Variants in DGKI observed in about 807,000 individuals in gnomAD.
DGKI encodes the protein diacylglycerol kinase iota.
In DGKI, 55 loss-of-function variants were observed where a neutral mutation model predicts 147.5. The observed-to-expected ratio is 0.37, with a 90% CI of 0.30 to 0.47. The LOEUF is 0.47. Among genes scored for constraint, DGKI ranks in the 20% least tolerant of loss-of-function variants. The probability of loss-of-function intolerance (pLI) is 1.00; values close to 1 mark genes in which losing one functional copy is unlikely to be tolerated. For synonymous variants in DGKI, 469 were observed against 477.1 expected, an observed-to-expected ratio of 0.98 and a Z score of 0.22; for missense variants, 1,007 against 1,323.8, an observed-to-expected ratio of 0.76 and a Z score of 3.71.
intron 27 of DGKI, among the ~76,000 whole-genome samples, chr7:137,453,883 T>C (rs1814076179): frequency 6.6e-6 from 1 of 152,064 alleles, no homozygotes; most frequent in African/African-American, 2.4e-5. Flanking sequence ...CCCAAATATA[T>C]GCCTTGATGA....
At chr7:137,455,211 C>G (rs1036824157) in intron 27 of DGKI, among the ~76,000 whole-genome samples, 1 of 152,044 alleles carries the variant, frequency 6.6e-6, no homozygotes, top group African/African-American at 2.4e-5. Context: ...CTCCTCCCAC[C>G]CCACCCTTCT....
intron 30 of DGKI, among the ~76,000 whole-genome samples, chr7:137,400,252 C>T (rs1811703467): frequency 6.6e-6 from 1 of 152,212 alleles, no homozygotes; most frequent in Non-Finnish European, 1.5e-5. Context: ...GTGCCTGTCG[C>T]CTTCAGTGAA....
intron 30 of DGKI, among the ~76,000 whole-genome samples, chr7:137,397,720 A>C (rs1731946): frequency 6.6e-6 from 1 of 152,212 alleles, no homozygotes; most frequent in Admixed American, 6.5e-5. Flanking sequence ...AGTGGCTAAC[A>C]AGGGAGAAAG....
intron 19 of DGKI, among the ~76,000 whole-genome samples, chr7:137,568,350 G>A (rs1411957621): frequency 6.6e-6 from 1 of 152,158 alleles, no homozygotes; most frequent in Admixed American, 6.5e-5. Context: ...GTCACGTCAC[G>A]CATTGCCAAC....
chr7:137,783,458 C>A (rs1253574160), intron 1 of DGKI, among the ~76,000 whole-genome samples: 2 of 152,170 alleles, frequency 1.3e-5, no homozygotes, highest in Admixed American at 6.5e-5. Context: ...ATGAACAAAG[C>A]CTCCAAGAAG....
intron 1 of DGKI, among the ~76,000 whole-genome samples, chr7:137,801,823 T>C (rs1797221037): frequency 2.0e-5 from 3 of 152,254 alleles, no homozygotes; most frequent in South Asian, 4.1e-4. Flanking sequence ...TCCAAAAGAA[T>C]TGCAGCCCTC....
At chr7:137,795,834 G>T (rs1198534664) in intron 1 of DGKI, among the ~76,000 whole-genome samples, 1 of 152,076 alleles carries the variant, frequency 6.6e-6, no homozygotes. Context: ...AAAGTTATTG[G>T]TTGAATAAAT....
chr7:137,846,438 C>T lies in DGKI; in HGVS notation c.401+24G>A, dbSNP rs751771557. On this transcript the variant is annotated intron_variant, in intron 1 of 32. Coordinates refer to ENST00000614521, the MANE Select transcript of DGKI (RefSeq NM_001321708.2). The surrounding 1 kb of genome is among the most constrained non-coding windows in gnomAD (Gnocchi z 4.0). ...GTCTCCCGCCGCGGCGCACCTGTCT[C>T]GGCTGCCGGCTCCCCGCACCTACCT... 1.3e-6 allele frequency: 2 copies of T among 1,552,590 alleles called. No homozygotes were observed. Among genetic ancestry groups the T allele is most frequent in the Non-Finnish European group, 1.7e-6 (2 of 1,143,578 alleles).
chr7:137,742,345 T>C (rs1795197703), intron 1 of DGKI, among the ~76,000 whole-genome samples: 1 of 151,986 alleles, frequency 6.6e-6, no homozygotes, highest in Admixed American at 6.6e-5. Context: ...GAAACAGAAC[T>C]TCAAAATCCT....
intron 5 of DGKI, among the ~76,000 whole-genome samples, chr7:137,654,191 T>C (rs1479823635): frequency 7.4e-6 from 1 of 134,822 alleles, no homozygotes; most frequent in African/African-American, 4.1e-5. Context: ...GCTTATGATG[T>C]ATTTATTTTT....
chr7:137,790,231 A>C (rs1291538341), intron 1 of DGKI, among the ~76,000 whole-genome samples: 1 of 143,712 alleles, frequency 7.0e-6, no homozygotes, highest in African/African-American at 2.6e-5. Flanking sequence ...GTGTATTACC[A>C]ACACACACAC....
At chr7:137,811,439 A>G (rs1797577587) in intron 1 of DGKI, among the ~76,000 whole-genome samples, 1 of 150,378 alleles carries the variant, frequency 6.6e-6, no homozygotes, top group African/African-American at 2.5e-5. Context: ...ACAGCTCACA[A>G]AAGTCAACTT....
intron 1 of DGKI, among the ~76,000 whole-genome samples, chr7:137,785,841 T>C (rs759259907): frequency 6.6e-6 from 1 of 152,078 alleles, no homozygotes. Flanking sequence ...GTAAGTGTGA[T>C]ACACCACTAA....
In DGKI at chr7:137,514,290, T is replaced by C. The variant is rs1257840891; in HGVS notation, c.2248+7576A>G. Among the ~76,000 whole-genome samples, 6 of 152,268 alleles carry C rather than the reference T, an allele frequency of 3.9e-5. No individual in the cohort carries two copies. The East Asian group carries it at 7.7e-4, about 20-fold the overall frequency. ...TATGGGACCACTGTTGTATATGCAG[T>C]CCATCATTGATCAAGATGTCATTAT... On this transcript the variant is annotated intron_variant, in intron 21 of 32. Transcript: ENST00000614521.
At chr7:137,622,328 C>T (rs990708528) in intron 7 of DGKI, among the ~76,000 whole-genome samples, 3 of 152,144 alleles carry the variant, frequency 2.0e-5, no homozygotes, top group African/African-American at 2.4e-5. Context: ...GCTAGTTTAG[C>T]GTGATGTGTG....
At chr7:137,424,654 C>T (rs1028123227) in intron 28 of DGKI, among the ~76,000 whole-genome samples, 2 of 152,152 alleles carry the variant, frequency 1.3e-5, no homozygotes, top group African/African-American at 2.4e-5. Context: ...GGGTGACAGA[C>T]GGCACCTGGA....
chr7:137,702,069 C>T (rs1563157476), intron 1 of DGKI, among the ~76,000 whole-genome samples: 1 of 151,834 alleles, frequency 6.6e-6, no homozygotes, highest in East Asian at 1.9e-4. Flanking sequence ...CTTTTCAAGA[C>T]AAGATGCTAG....
intron 28 of DGKI, among the ~76,000 whole-genome samples, chr7:137,420,354 T>C (rs1812518105): frequency 2.0e-5 from 3 of 152,186 alleles, no homozygotes; most frequent in Non-Finnish European, 4.4e-5. Flanking sequence ...CATTGCAAGA[T>C]GAGTGTGTAG....
chr7:137,820,270 A>G (rs1376303288), intron 1 of DGKI, among the ~76,000 whole-genome samples: 2 of 152,234 alleles, frequency 1.3e-5, no homozygotes, highest in African/African-American at 2.4e-5. Context: ...GGAGGCCCCA[A>G]TCAGCACACT....
Sources: allele counts gnomAD v4.1 joint callset (sites outside exome capture counted in the v4.1 genomes callset), GRCh38; gene constraint gnomAD v4.1.1; non-coding constraint Gnocchi (gnomAD v3.1); transcripts MANE v1.5; gene names NCBI Gene and HGNC (gene_info 2026-07-23, HGNC 2026-07-21).